RANBP2: variants seen among roughly 807,000 people sequenced by gnomAD.
The protein encoded by RANBP2 is RAN binding protein 2.
RANBP2 carries 57 observed loss-of-function variants against 303.6 expected under a neutral mutation model. The ratio of observed to expected loss-of-function variants is 0.19; its 90% CI spans 0.15 to 0.23. RANBP2 has a LOEUF of 0.23. Among genes scored for constraint, RANBP2 ranks in the 10% least tolerant of loss-of-function variants. The pLI is 1.00. For missense variants in RANBP2, 3,138 were observed against 3,780.8 expected (o/e 0.83, Z 4.46); for synonymous variants, 1,167 against 1,301.5 (o/e 0.90, Z 2.23).
At chr2:108,907,952 C>T in the RANBP2 span, 87 of 1,613,592 alleles carry the variant, frequency 5.4e-5, 1 homozygote, top group African/African-American at 1.6e-4. Context: ...TTGTCAGGGG[C>T]GGGCTCCTCA....
chr2:109,579,555 T>G, the RANBP2 span, among the ~76,000 whole-genome samples: 1 of 151,900 alleles, frequency 6.6e-6, no homozygotes, highest in Non-Finnish European at 1.5e-5. Flanking sequence ...GGCTAATTTT[T>G]GTATTTTGGT....
chr2:109,068,015 C>T, the RANBP2 span, among the ~76,000 whole-genome samples: 1 of 152,232 alleles, frequency 6.6e-6, no homozygotes, highest in African/African-American at 2.4e-5. Context: ...CACATCCCCA[C>T]ACACCTGCCT....
chr2:109,498,330 C>A, the RANBP2 span, among the ~76,000 whole-genome samples: 2 of 152,186 alleles, frequency 1.3e-5, no homozygotes, highest in Non-Finnish European at 2.9e-5. Context: ...GAACACTGCA[C>A]CCCCAAGTCA....
the RANBP2 span, among the ~76,000 whole-genome samples, chr2:109,515,261 CCAAA>C: frequency 1.1e-4 from 16 of 152,140 alleles, no homozygotes; most frequent in Admixed American, 2.0e-4. Flanking sequence ...CCCCTTGACG[CCAAA>C]CAGTGTGCCC....
the RANBP2 span, among the ~76,000 whole-genome samples, chr2:109,723,617 T>C: frequency 1.3e-5 from 2 of 152,212 alleles, no homozygotes; most frequent in Non-Finnish European, 2.9e-5. Flanking sequence ...TTAATGGGGT[T>C]TTTTTTCCTG....
the RANBP2 span, among the ~76,000 whole-genome samples, chr2:109,241,590 G>A: frequency 6.6e-6 from 1 of 152,068 alleles, no homozygotes; most frequent in Admixed American, 6.5e-5. Flanking sequence ...CAGGCATTGA[G>A]GTTTGGCTTG....
the RANBP2 span, among the ~76,000 whole-genome samples, chr2:109,112,558 G>A: frequency 7.8e-4 from 119 of 151,646 alleles, no homozygotes; most frequent in African/African-American, 2.3e-3. Context: ...AGTAGGTTGC[G>A]AAAATTTTCT....
the RANBP2 span, among the ~76,000 whole-genome samples, chr2:109,434,760 G>C: frequency 6.6e-6 from 1 of 152,204 alleles, no homozygotes; most frequent in Non-Finnish European, 1.5e-5. Context: ...CCCCTCACAG[G>C]CCAGTCCCTG....
chr2:109,583,001 A>G, the RANBP2 span, among the ~76,000 whole-genome samples: 1 of 152,184 alleles, frequency 6.6e-6, no homozygotes, highest in South Asian at 2.1e-4. Context: ...CTGGACCCCT[A>G]TGTTTTACCA....
At chr2:109,221,081 T>A in the RANBP2 span, among the ~76,000 whole-genome samples, 1 of 152,210 alleles carries the variant, frequency 6.6e-6, no homozygotes, top group South Asian at 2.1e-4. Flanking sequence ...TAGAAAGAAA[T>A]GAAGTTATGA....
chr2:109,620,791 C>T, the RANBP2 span, among the ~76,000 whole-genome samples: 1 of 152,186 alleles, frequency 6.6e-6, no homozygotes, highest in Admixed American at 6.5e-5. Context: ...CTTAAATAGT[C>T]TAAGTACTGT....
At chr2:108,813,861 G>T in the RANBP2 span, among the ~76,000 whole-genome samples, 1 of 152,172 alleles carries the variant, frequency 6.6e-6, no homozygotes, top group Non-Finnish European at 1.5e-5. Context: ...CAGTGGAATT[G>T]TATTGTGTGT....
At chr2:109,412,473 G>A in the RANBP2 span, among the ~76,000 whole-genome samples, 2 of 152,234 alleles carry the variant, frequency 1.3e-5, no homozygotes, top group African/African-American at 4.8e-5. Context: ...GGTAACAACA[G>A]CAGGACCAGT....
the RANBP2 span, chr2:108,910,950 G>A: frequency 6.2e-7 from 1 of 1,614,160 alleles, no homozygotes; most frequent in Non-Finnish European, 8.5e-7. Context: ...CCGTCACCTG[G>A]GGCAGAGGGC....
At chr2:109,652,202 T>C in the RANBP2 span, among the ~76,000 whole-genome samples, 2 of 151,780 alleles carry the variant, frequency 1.3e-5, no homozygotes, top group African/African-American at 4.8e-5. Context: ...CCACTATCCA[T>C]GGACTTAAAA....
chr2:108,861,584 G>A, the RANBP2 span, among the ~76,000 whole-genome samples: 2 of 150,172 alleles, frequency 1.3e-5, no homozygotes, highest in Admixed American at 1.3e-4. Context: ...GGGTTCAAGC[G>A]ATTCTTCTGC....
the RANBP2 span, among the ~76,000 whole-genome samples, chr2:109,530,926 C>T: frequency 1.6e-4 from 24 of 152,112 alleles, no homozygotes; most frequent in Non-Finnish European, 7.4e-5. Context: ...GAGAGCCGAC[C>T]CTCAAGACAA....
the RANBP2 span, among the ~76,000 whole-genome samples, chr2:109,357,343 G>A: frequency 2.6e-5 from 4 of 151,884 alleles, no homozygotes; most frequent in African/African-American, 7.3e-5. Context: ...CACCATGCCC[G>A]GATAATTTTG....
At chr2:109,545,914 T>C in the RANBP2 span, 262 of 1,449,508 alleles carry the variant, frequency 1.8e-4, no homozygotes, top group Non-Finnish European at 2.3e-4. Context: ...AGGTCTCTCC[T>C]CTCCAGGAGC....
Sources: gnomAD v4.1 joint callset for allele counts (sites outside exome capture counted in the v4.1 genomes callset) on GRCh38, gnomAD v4.1.1 for gene constraint, MANE v1.5 for transcripts, NCBI Gene and HGNC (gene_info 2026-07-23, HGNC 2026-07-21) for gene names.